The following PPP1R12B variants were observed in gnomAD, a reference collection of about 807,000 sequenced individuals.
The protein encoded by PPP1R12B is myosin phosphatase target subunit 2.
In PPP1R12B, 76 loss-of-function variants were observed where a neutral mutation model predicts 126.1. The observed-to-expected ratio is 0.60, with a 90% CI of 0.50 to 0.73. The LOEUF is 0.73. Ranked by LOEUF, PPP1R12B falls within the 30% of genes least tolerant of loss-of-function variation. The pLI, the probability that PPP1R12B is intolerant of heterozygous loss-of-function variation, is 0.00. For missense variants in PPP1R12B, 1,052 were observed against 1,205.1 expected (o/e 0.87, Z 1.88); for synonymous variants, 356 against 434.7 (o/e 0.82, Z 2.25).
intron 18 of PPP1R12B, 187 bp from the exon 19 acceptor site, chr1:202,558,690 T>G (rs538987399): frequency 3.7e-4 from 195 of 522,646 alleles, no homozygotes; most frequent in Non-Finnish European, 6.0e-4. Context: ...GAACTAGGGC[T>G]AAGTCACCTT....
intron 18 of PPP1R12B, among the ~76,000 whole-genome samples, chr1:202,526,230 T>C (rs536397183): frequency 1.3e-4 from 20 of 152,304 alleles, no homozygotes; most frequent in African/African-American, 4.6e-4. Flanking sequence ...TAATAGTTTG[T>C]GGAAGTTCTT....
chr1:202,368,115 G>A (rs529764335), intron 1 of PPP1R12B, among the ~76,000 whole-genome samples: 3 of 152,034 alleles, frequency 2.0e-5, no homozygotes, highest in African/African-American at 4.8e-5. Flanking sequence ...GATTATAGGC[G>A]CCTGCCACCA....
chr1:202,505,617 A>T (rs1282069211), intron 18 of PPP1R12B, among the ~76,000 whole-genome samples: 1 of 152,144 alleles, frequency 6.6e-6, no homozygotes, highest in Non-Finnish European at 1.5e-5. Flanking sequence ...ATTGCCTAAT[A>T]TGGTAAGGTA....
intron 13 of PPP1R12B, among the ~76,000 whole-genome samples, chr1:202,465,753 A>G (rs559007245): frequency 1.6e-4 from 25 of 152,222 alleles, no homozygotes; most frequent in Non-Finnish European, 2.9e-4. Flanking sequence ...TGGATAGTAT[A>G]CTGACCTAGC....
rs1214060044 is a variant in PPP1R12B, at chr1:202,590,797, C to T, written c.*10237C>T. On this transcript the variant is annotated 3_prime_UTR_variant, in exon 24 of 24. Coordinates refer to ENST00000608999, the MANE Select transcript of PPP1R12B (RefSeq NM_002481.4). The stretch of plus-strand genomic sequence containing the variant: ...AAGGCAGGGCTCCTGGTGGGCTGAC[C>T]TTGGCGAAGCTAGGCTCTGCCAGGC... The T allele has an allele frequency of 1.3e-5, 2 of 152,054 alleles. No individual in the cohort carries two copies. The highest frequency in any genetic ancestry group is 2.1e-4 in the South Asian group (1 of 4,814). The allele number at this position is 152,054 out of a possible 1,614,324, so 9.4% of individuals were successfully genotyped here. A position where few individuals can be genotyped will look rare whatever the true frequency, so the allele number is the denominator to read the frequency against.
At chr1:202,378,839 T>G (rs1429961672) in intron 1 of PPP1R12B, among the ~76,000 whole-genome samples, 2 of 152,214 alleles carry the variant, frequency 1.3e-5, no homozygotes, top group Non-Finnish European at 1.5e-5. Flanking sequence ...GATCTCCATA[T>G]GAATTAAAAC....
At chr1:202,408,094 T>C (rs1234033966) in intron 1 of PPP1R12B, among the ~76,000 whole-genome samples, 3 of 152,164 alleles carry the variant, frequency 2.0e-5, no homozygotes, top group African/African-American at 4.8e-5. Flanking sequence ...TCAGTGGATT[T>C]TGGTATCTGC....
chr1:202,450,370 A>G (rs912557571), intron 13 of PPP1R12B, among the ~76,000 whole-genome samples: 2 of 152,232 alleles, frequency 1.3e-5, no homozygotes, highest in Admixed American at 6.5e-5. Flanking sequence ...TTTGATTGCC[A>G]GCATTAAGAG....
At chr1:202,469,995 C>T (rs1317853190) in intron 13 of PPP1R12B, among the ~76,000 whole-genome samples, 1 of 152,172 alleles carries the variant, frequency 6.6e-6, no homozygotes, top group East Asian at 1.9e-4. Flanking sequence ...GGTTAAGAAC[C>T]GCAGGTTTAA....
chr1:202,553,278 T>C (rs886725051), intron 18 of PPP1R12B, among the ~76,000 whole-genome samples: 3 of 152,334 alleles, frequency 2.0e-5, no homozygotes, highest in Admixed American at 6.5e-5. Flanking sequence ...TTACATTATC[T>C]GTTGTCCCCA....
At chr1:202,439,487 C>T (rs1671321889) in intron 10 of PPP1R12B, 2 of 1,511,368 alleles carry the variant, frequency 1.3e-6, no homozygotes, top group Non-Finnish European at 9.1e-7. Context: ...CCTGGTCCAG[C>T]CCATGGAAGT....
At chr1:202,471,078 C>G (rs1447510359) in intron 13 of PPP1R12B, among the ~76,000 whole-genome samples, 1 of 152,124 alleles carries the variant, frequency 6.6e-6, no homozygotes, top group Non-Finnish European at 1.5e-5. Flanking sequence ...GACTCTCTGC[C>G]TAAAATTAAT....
At chr1:202,575,135 A>T (rs760675145) in intron 23 of PPP1R12B, 1 of 1,613,022 alleles carries the variant, frequency 6.2e-7, no homozygotes, top group Non-Finnish European at 8.5e-7. Flanking sequence ...CAGGAGCTCT[A>T]GTTCTTGCCC....
rs375703524 is a variant in PPP1R12B at position 202,424,053 on chromosome 1, A to C, written c.541+1315A>C. On this transcript the variant is annotated intron_variant, in intron 3 of 23. Coordinates refer to ENST00000608999, the MANE Select transcript of PPP1R12B (RefSeq NM_002481.4). ...CCAGCCTCAATCAGTTTTATCTCCT[A>C]AGATTTGCTTTAAAATGTACAAACA... Among the ~76,000 whole-genome samples the C allele has an allele frequency of 3.9e-5, 6 of 152,254 alleles. No homozygotes were observed. In the East Asian group the frequency reaches 9.6e-4, roughly 24 times the overall value.
chr1:202,524,980 G>A (rs951143766), intron 18 of PPP1R12B, among the ~76,000 whole-genome samples: 1 of 152,152 alleles, frequency 6.6e-6, no homozygotes, highest in East Asian at 1.9e-4. Flanking sequence ...TGGGTTCAAA[G>A]TGATTCTCCT....
intron 18 of PPP1R12B, among the ~76,000 whole-genome samples, chr1:202,542,899 G>T (rs544290706): frequency 6.6e-6 from 1 of 152,290 alleles, no homozygotes; most frequent in South Asian, 2.1e-4. Flanking sequence ...CATACATACA[G>T]TTTCTTCTAG....
At chr1:202,406,526 C>G (rs1320116361) in intron 1 of PPP1R12B, among the ~76,000 whole-genome samples, 1 of 151,952 alleles carries the variant, frequency 6.6e-6, no homozygotes, top group Non-Finnish European at 1.5e-5. Flanking sequence ...GTTTCTTGAC[C>G]CTGGCCATGA....
chr1:202,394,972 G>T (rs1406210275), intron 1 of PPP1R12B, among the ~76,000 whole-genome samples: 2 of 151,870 alleles, frequency 1.3e-5, no homozygotes, highest in Admixed American at 6.6e-5. Flanking sequence ...ACAAAAATTA[G>T]CTGGATGTGG....
intron 13 of PPP1R12B, among the ~76,000 whole-genome samples, chr1:202,479,574 G>A (rs1003710156): frequency 1.3e-4 from 20 of 152,156 alleles, no homozygotes; most frequent in African/African-American, 2.4e-4. Flanking sequence ...AGAGCCTAGC[G>A]GATACCCCAG....
Sources: allele counts gnomAD v4.1 joint callset (sites outside exome capture counted in the v4.1 genomes callset), GRCh38; gene constraint gnomAD v4.1.1; transcripts MANE v1.5; gene names NCBI Gene and HGNC (gene_info 2026-07-23, HGNC 2026-07-21).